Variants in ANK2 observed in about 807,000 individuals in gnomAD.
ANK2 encodes ankyrin 2, also known as ankyrin-2.
A neutral mutation model predicts 360.5 loss-of-function variants in ANK2; 83 were observed. The observed-to-expected ratio is 0.23, with a 90% confidence interval of 0.19 to 0.28. The LOEUF (loss-of-function observed/expected upper bound fraction) is 0.28, where lower values mean the gene tolerates loss of function less well. Among genes scored for constraint, ANK2 ranks in the 10% least tolerant of loss-of-function variants. ANK2 has a pLI of 1.00. For missense variants in ANK2, 4,201 were observed against 4,795.7 expected (o/e 0.88, Z 3.66); for synonymous variants, 1,740 against 1,759.5 (o/e 0.99, Z 0.28).
chr4:112,892,290 A>G (rs1425570335), intron 1 of ANK2, among the ~76,000 whole-genome samples: 1 of 152,268 alleles, frequency 6.6e-6, no homozygotes, highest in Non-Finnish European at 1.5e-5. Flanking sequence ...CTGTCATGCC[A>G]GGAACATTTG....
chr4:112,796,353 G>T, the ANK2 span, among the ~76,000 whole-genome samples: 5 of 152,090 alleles, frequency 3.3e-5, no homozygotes, highest in African/African-American at 1.2e-4. Context: ...AAGTCAGGAG[G>T]TGGAGGTTAC....
chr4:112,958,202 G>A (rs1477751828), intron 2 of ANK2, among the ~76,000 whole-genome samples: 1 of 152,086 alleles, frequency 6.6e-6, no homozygotes, highest in Non-Finnish European at 1.5e-5. Flanking sequence ...TGGCGGCCGG[G>A]CAGAGGCTGC....
Position 113,166,772 on chromosome 4 carries a change from G to A in ANK2, c.85-7644G>A, listed in dbSNP as rs1480829050. Among the ~76,000 whole-genome samples, 3 of 151,870 alleles carry A rather than the reference G, an allele frequency of 2.0e-5. No individual in the cohort carries two copies. In the East Asian group the frequency reaches 5.8e-4, roughly 29 times the overall value. On this transcript the variant is annotated intron_variant, in intron 1 of 45. Coordinates refer to ENST00000357077, the MANE Select transcript of ANK2 (RefSeq NM_001148.6). ...AACTTACTTCACTTATATTTATCCC[G>A]GAAAATTTAACAACTGAGATCTCTG...
At chr4:113,167,597 G>A (rs2097791922) in intron 1 of ANK2, among the ~76,000 whole-genome samples, 1 of 152,008 alleles carries the variant, frequency 6.6e-6, no homozygotes, top group South Asian at 2.1e-4. Flanking sequence ...ACTGCGCCCG[G>A]CCAGGTCACC....
intron 1 of ANK2, among the ~76,000 whole-genome samples, chr4:113,156,534 A>G (rs1391304932): frequency 6.6e-6 from 1 of 151,486 alleles, no homozygotes; most frequent in Non-Finnish European, 1.5e-5. Flanking sequence ...CCACATCTGG[A>G]TAATTTTCTG....
At chr4:112,802,064 G>A in the ANK2 span, among the ~76,000 whole-genome samples, 1 of 152,078 alleles carries the variant, frequency 6.6e-6, no homozygotes, top group Non-Finnish European at 1.5e-5. Flanking sequence ...TGGGGGAAAA[G>A]GGTCACTTCC....
At chr4:112,990,592 G>A (rs1267093163) in intron 2 of ANK2, among the ~76,000 whole-genome samples, 2 of 151,984 alleles carry the variant, frequency 1.3e-5, no homozygotes, top group Non-Finnish European at 2.9e-5. Flanking sequence ...CCCTCATCTA[G>A]ATCAATATTT....
rs13104719 is a variant in ANK2, at chr4:112,829,979, T to A, written c.-40+11715T>A. 8.8e-3 allele frequency among the ~76,000 whole-genome samples: 1,292 copies of A among 146,386 alleles called. 9 individuals are homozygous for A. The highest frequency in any genetic ancestry group is 0.017 in the Middle Eastern group (5 of 288). On this transcript the variant is annotated intron_variant, in intron 1 of 30. Coordinates refer to the ANK2 transcript ENST00000503271. ...GTCTCAAAAAAATAAAAATAAAAAA[T>A]AAAAAAAAAGTCAAAAAATAACAGA... is the stretch of plus-strand genomic sequence containing the variant.
rs1012201203 is a variant in ANK2 at position 113,104,916 on chromosome 4, A to G, written c.84+55104A>G. ...GTATCTTGGGAGCCCTCCTGGAAGT[A>G]TCTAGTTATGGACAGTGAGCAGCAG... On this transcript the variant is annotated intron_variant, in intron 1 of 45. Transcript: ENST00000357077. Among the ~76,000 whole-genome samples, 52 of 152,128 alleles carry G rather than the reference A, an allele frequency of 3.4e-4. 2 individuals are homozygous for G. Among genetic ancestry groups the G allele is most frequent in the Non-Finnish European group, 1.8e-4 (12 of 68,008 alleles).
chr4:112,735,746 A>G, the ANK2 span, among the ~76,000 whole-genome samples: 3 of 152,210 alleles, frequency 2.0e-5, no homozygotes, highest in Non-Finnish European at 4.4e-5. Flanking sequence ...ACAGTTCAGT[A>G]GTATTAGGTT....
rs182501198 is a variant in ANK2, at chr4:112,825,152, A to G, written c.-40+6888A>G. On this transcript the variant is annotated intron_variant, in intron 1 of 30. Coordinates refer to the ANK2 transcript ENST00000503271. ...GGAATTGAACAATGAGAACACCTGG[A>G]CACAGGGTGGGGAACATCACATACC... Among the ~76,000 whole-genome samples, 280 of 152,246 alleles carry G rather than the reference A, an allele frequency of 1.8e-3. 1 individual carries two copies. Among genetic ancestry groups the G allele is most frequent in the African/African-American group, 6.3e-3 (261 of 41,550 alleles).
intron 2 of ANK2, among the ~76,000 whole-genome samples, chr4:113,022,099 G>C (rs1304818163): frequency 2.6e-5 from 4 of 152,104 alleles, no homozygotes; most frequent in Admixed American, 6.5e-5. Context: ...TCTACACACA[G>C]AGAGAGAGAC....
chr4:112,743,553 C>CT, the ANK2 span, among the ~76,000 whole-genome samples: 3 of 112,494 alleles, frequency 2.7e-5, no homozygotes, highest in South Asian at 2.9e-4. Flanking sequence ...TCTTTTCTAT[C>CT]CTTTTTTTTT....
At chr4:113,328,609 C>G (rs1338307686) in intron 26 of ANK2, among the ~76,000 whole-genome samples, 3 of 152,130 alleles carry the variant, frequency 2.0e-5, no homozygotes, top group Non-Finnish European at 4.4e-5. Flanking sequence ...CAGTACTGAA[C>G]TGTTGATTGT....
At chr4:113,322,055 G>A (rs1383773158) in intron 26 of ANK2, among the ~76,000 whole-genome samples, 1 of 152,192 alleles carries the variant, frequency 6.6e-6, no homozygotes, top group Non-Finnish European at 1.5e-5. Flanking sequence ...TTTGATAGAG[G>A]TGATAATAAA....
rs558010542 is a variant in ANK2 at position 112,887,737 on chromosome 4, T to TA, written c.-39-16708dup. Among the ~76,000 whole-genome samples, 159 of 146,682 alleles carry TA rather than the reference T, an allele frequency of 1.1e-3. 4 individuals are homozygous for TA. In the South Asian group the frequency reaches 0.026, roughly 24 times the overall value. ...TTGGTCTTCTTTCCTGTTGTACAAA[T>TA]AAAAAAAAAAGCAGTTGGTTATTGT... On this transcript the variant is annotated intron_variant, in intron 1 of 30. Coordinates refer to the ANK2 transcript ENST00000503271.
At chr4:113,041,739 C>T (rs969126463) in intron 2 of ANK2, among the ~76,000 whole-genome samples, 5 of 152,012 alleles carry the variant, frequency 3.3e-5, no homozygotes, top group African/African-American at 9.7e-5. Context: ...AAACAACAAA[C>T]GTTTATTTCT....
At chr4:112,828,843 A>G (rs2059038017) in intron 1 of ANK2, among the ~76,000 whole-genome samples, 1 of 152,212 alleles carries the variant, frequency 6.6e-6, no homozygotes, top group African/African-American at 2.4e-5. Flanking sequence ...GCAAAAAACA[A>G]ACAACCCTAT....
chr4:113,038,703 C>T (rs2062173365), intron 2 of ANK2, among the ~76,000 whole-genome samples: 1 of 152,060 alleles, frequency 6.6e-6, no homozygotes, highest in South Asian at 2.1e-4. Context: ...ATTGGACAGG[C>T]ACTTGCCATT....
Sources: gnomAD v4.1 joint callset for allele counts (sites outside exome capture counted in the v4.1 genomes callset) on GRCh38, gnomAD v4.1.1 for gene constraint, MANE v1.5 for transcripts, NCBI Gene and HGNC (gene_info 2026-07-23, HGNC 2026-07-21) for gene names.